SPOCK3: variants seen among roughly 807,000 people sequenced by gnomAD.
SPOCK3 encodes the protein SPARC (osteonectin), cwcv and kazal like domains proteoglycan 3.
Under a neutral mutation model 56.6 loss-of-function variants are expected in SPOCK3, and 30 were observed. The observed-to-expected ratio is 0.53, with a 90% CI of 0.40 to 0.72. The LOEUF (loss-of-function observed/expected upper bound fraction) is 0.72, where lower values mean the gene tolerates loss of function less well. Among genes scored for constraint, SPOCK3 ranks in the 30% least tolerant of loss-of-function variants. The pLI, the probability that SPOCK3 is intolerant of heterozygous loss-of-function variation, is 0.00. For synonymous variants in SPOCK3, 196 were observed against 183.3 expected (o/e 1.07, Z -0.56); for missense variants, 527 against 530.0 (o/e 0.99, Z 0.06).
At chr4:166,935,901 A>T (rs1020859466) in intron 4 of SPOCK3, among the ~76,000 whole-genome samples, 1 of 152,230 alleles carries the variant, frequency 6.6e-6, no homozygotes, top group African/African-American at 2.4e-5. Flanking sequence ...TAGATGTGGT[A>T]TATAATAAAA....
intron 6 of SPOCK3, among the ~76,000 whole-genome samples, chr4:166,838,405 T>G (rs568974187): frequency 6.6e-6 from 1 of 152,240 alleles, no homozygotes; most frequent in Admixed American, 6.5e-5. Flanking sequence ...GATTGTATAA[T>G]TTTATTACTC....
chr4:167,159,075 A>G (rs1243390776), intron 2 of SPOCK3, among the ~76,000 whole-genome samples: 1 of 152,054 alleles, frequency 6.6e-6, no homozygotes, highest in East Asian at 1.9e-4. Context: ...TAGCAAGAAC[A>G]GAGGTTTAAT....
intron 6 of SPOCK3, among the ~76,000 whole-genome samples, chr4:166,872,483 A>C (rs1452121758): frequency 6.6e-6 from 1 of 152,168 alleles, no homozygotes; most frequent in Non-Finnish European, 1.5e-5. Flanking sequence ...TGTCCATACA[A>C]AAACCTGTAC....
intron 6 of SPOCK3, among the ~76,000 whole-genome samples, chr4:166,805,301 C>T (rs543321435): frequency 6.6e-6 from 1 of 152,002 alleles, no homozygotes; most frequent in East Asian, 1.9e-4. Context: ...CCTTGAGATT[C>T]TTCTTTTGTA....
At chr4:166,886,110 T>A (rs960779134) in intron 6 of SPOCK3, among the ~76,000 whole-genome samples, 16 of 152,110 alleles carry the variant, frequency 1.1e-4, no homozygotes, top group Non-Finnish European at 1.9e-4. Flanking sequence ...TACACATACA[T>A]AAAATCTGTA....
intron 6 of SPOCK3, among the ~76,000 whole-genome samples, chr4:166,885,573 C>T (rs1240909053): frequency 6.6e-6 from 1 of 151,990 alleles, no homozygotes; most frequent in Non-Finnish European, 1.5e-5. Context: ...TTTAGGATTC[C>T]ACGTTCCTTT....
At chr4:166,852,306 T>G (rs4859969) in intron 6 of SPOCK3, among the ~76,000 whole-genome samples, 55,581 of 151,540 alleles carry the variant, frequency 0.37, 12,605 homozygotes, top group South Asian at 0.53. Context: ...AAAATAATAA[T>G]AATAATAATT....
intron 2 of SPOCK3, among the ~76,000 whole-genome samples, chr4:167,145,664 TAAAGA>T (rs1396421969): frequency 1.3e-5 from 2 of 152,018 alleles, no homozygotes; most frequent in Non-Finnish European, 2.9e-5. Context: ...TCAACACTCT[TAAAGA>T]AAAGAATTTT....
intron 3 of SPOCK3, among the ~76,000 whole-genome samples, chr4:167,021,392 T>C (rs1038131950): frequency 2.0e-5 from 3 of 151,994 alleles, no homozygotes; most frequent in Non-Finnish European, 4.4e-5. Flanking sequence ...ATAGATCTAT[T>C]AAAATCTTGT....
chr4:166,800,183 G>GAAAAAAAAAAAAAAAAAA (rs367811359), intron 6 of SPOCK3, among the ~76,000 whole-genome samples: 17 of 51,784 alleles, frequency 3.3e-4, no homozygotes, highest in East Asian at 1.4e-3. Flanking sequence ...CTCCATCTCA[G>GAAAAAAAAAAAAAAAAAA]AAAAAAAAAA....
intron 3 of SPOCK3, among the ~76,000 whole-genome samples, chr4:167,010,722 T>A (rs141804981): frequency 6.6e-6 from 1 of 152,054 alleles, no homozygotes; most frequent in Non-Finnish European, 1.5e-5. Flanking sequence ...GAATAGTGAA[T>A]TGCAAGAAGC....
chr4:166,999,079 C>T (rs1224680079), intron 4 of SPOCK3, among the ~76,000 whole-genome samples: 1 of 152,150 alleles, frequency 6.6e-6, no homozygotes, highest in African/African-American at 2.4e-5. Context: ...GTGCTTTCCC[C>T]TAGTAGGCTA....
chr4:167,154,456 G>T (rs1312006326), intron 2 of SPOCK3, among the ~76,000 whole-genome samples: 1 of 151,916 alleles, frequency 6.6e-6, no homozygotes, highest in Non-Finnish European at 1.5e-5. Context: ...CAATATGAGA[G>T]GGTTAGGGGA....
chr4:167,178,380 A>G (rs1256897219), intron 2 of SPOCK3, among the ~76,000 whole-genome samples: 2 of 152,146 alleles, frequency 1.3e-5, no homozygotes, highest in Non-Finnish European at 2.9e-5. Context: ...CTTACTATAC[A>G]TTGAGCATTA....
chr4:166,865,093 G>A (rs1579467989), intron 6 of SPOCK3, among the ~76,000 whole-genome samples: 1 of 152,234 alleles, frequency 6.6e-6, no homozygotes, highest in South Asian at 2.1e-4. Context: ...CCACAACCAA[G>A]TCGGCTTCAT....
intron 2 of SPOCK3, among the ~76,000 whole-genome samples, chr4:167,169,823 A>C (rs1021916407): frequency 6.6e-6 from 1 of 152,126 alleles, no homozygotes; most frequent in African/African-American, 2.4e-5. Flanking sequence ...AGGTGGCAAT[A>C]AATGAATCAT....
chr4:166,764,687 T>C (rs1400919052), intron 7 of SPOCK3, among the ~76,000 whole-genome samples: 1 of 152,156 alleles, frequency 6.6e-6, no homozygotes, highest in Non-Finnish European at 1.5e-5. Context: ...TGATTTATAA[T>C]CCTTTGGGTA....
chr4:166,973,605 A>C (rs1359191093), intron 4 of SPOCK3, among the ~76,000 whole-genome samples: 2 of 152,172 alleles, frequency 1.3e-5, no homozygotes, highest in African/African-American at 2.4e-5. Context: ...ATGAAATATA[A>C]GAAATATAAG....
chr4:166,915,692 T>C (rs1373501354), intron 4 of SPOCK3, among the ~76,000 whole-genome samples: 2 of 152,106 alleles, frequency 1.3e-5, no homozygotes, highest in Admixed American at 6.6e-5. Context: ...GCTCAGGCTA[T>C]GAGAATGGTT....
Sources: gnomAD v4.1 joint callset for allele counts (sites outside exome capture counted in the v4.1 genomes callset) on GRCh38, gnomAD v4.1.1 for gene constraint, MANE v1.5 for transcripts, NCBI Gene and HGNC (gene_info 2026-07-23, HGNC 2026-07-21) for gene names.